PRSS12: variants seen among roughly 807,000 people sequenced by gnomAD.
The protein encoded by PRSS12 is serine protease 12, also known as neurotrypsin.
Under a neutral mutation model 104.4 loss-of-function variants are expected in PRSS12, and 85 were observed. The observed-to-expected ratio is 0.81, with a 90% CI of 0.68 to 0.98. PRSS12 has a LOEUF of 0.98. PRSS12 is among the 50% of genes least tolerant of loss of function. The pLI, the probability that PRSS12 is intolerant of heterozygous loss-of-function variation, is 0.00. For synonymous variants in PRSS12, 454 were observed against 425.2 expected (o/e 1.07, Z -0.83); for missense variants, 1,141 against 1,139.2 (o/e 1.00, Z -0.02).
At position 118,283,108 on chromosome 4, in the gene PRSS12, A is replaced by G. The variant is rs758837261; in HGVS notation, c.2043T>C (p.Tyr681=). 16 of 1,614,018 alleles carry G rather than the reference A, an allele frequency of 9.9e-6. No individual in the cohort carries two copies. The South Asian group carries it at 1.5e-4, about 16-fold the overall frequency. ...CAGCATAGCTCCTAGTGCTGTTGCCATACCTGAGAGGCAGAGAGTACTAAT... is the reference window on the plus strand; with the variant it reads ...CAGCATAGCTCCTAGTGCTGTTGCCGTACCTGAGAGGCAGAGAGTACTAAT... ...VLTAAHCFKR[Y]GNSTRSYAVR... is the part of the protein sequence containing the mutation. Residue 681 remains tyrosine (Y), a synonymous_variant, in exon 12 of 13, where the codon TAT becomes TAC. Transcript: ENST00000296498.
intron 7 of PRSS12, among the ~76,000 whole-genome samples, chr4:118,309,865 G>A (rs965224327): frequency 2.6e-5 from 4 of 152,136 alleles, no homozygotes; most frequent in Non-Finnish European, 5.9e-5. Flanking sequence ...TAGCAAGATG[G>A]ACACACTCTA....
chr4:118,337,602 A>C (rs1447793513), intron 2 of PRSS12, among the ~76,000 whole-genome samples: 1 of 152,126 alleles, frequency 6.6e-6, no homozygotes, highest in Non-Finnish European at 1.5e-5. Flanking sequence ...GCCATCTTCC[A>C]CAAGACCTCC....
chr4:118,337,509 C>T (rs559423809), intron 2 of PRSS12, among the ~76,000 whole-genome samples: 4 of 152,280 alleles, frequency 2.6e-5, no homozygotes, highest in African/African-American at 7.2e-5. Context: ...GTCGTAAAGA[C>T]AGTGCCTAGG....
intron 1 of PRSS12, among the ~76,000 whole-genome samples, chr4:118,342,510 A>C (rs1156692019): frequency 6.6e-6 from 1 of 152,166 alleles, no homozygotes; most frequent in Non-Finnish European, 1.5e-5. Flanking sequence ...TCTATTCTAC[A>C]TATTTCTATC....
In PRSS12 at chr4:118,338,310, T is replaced by C. The variant is rs1460466256; in HGVS notation, c.507A>G (p.Ser169=). The change falls in exon 2 of 13, where the codon TCA becomes TCG. Residue 169 remains serine, a synonymous_variant. Transcript: ENST00000296498. ...DWGYCDCRHG[S]VRLRGGKNEF... Reference sequence around the variant, plus strand: ...CATTTTTGCCGCCACGAAGTCGTACTGATCCTAAAGTGGAAAAGAATCCCA... The same window carrying C: ...CATTTTTGCCGCCACGAAGTCGTACCGATCCTAAAGTGGAAAAGAATCCCA... The C allele has an allele frequency of 6.2e-7, 1 of 1,613,970 alleles. No individual in the cohort carries two copies. The highest frequency in any genetic ancestry group is 8.5e-7 in the Non-Finnish European group (1 of 1,179,914).
intron 1 of PRSS12, among the ~76,000 whole-genome samples, chr4:118,341,340 T>G (rs992316051): frequency 6.6e-6 from 1 of 152,194 alleles, no homozygotes; most frequent in African/African-American, 2.4e-5. Flanking sequence ...TATTTTGTTA[T>G]TGCTGCATTT....
At chr4:118,344,342 T>C (rs1724297280) in intron 1 of PRSS12, among the ~76,000 whole-genome samples, 1 of 152,148 alleles carries the variant, frequency 6.6e-6, no homozygotes, top group African/African-American at 2.4e-5. Context: ...TGGGGGACTC[T>C]TGGTTGAATT....
intron 5 of PRSS12, among the ~76,000 whole-genome samples, chr4:118,317,462 T>C (rs915398952): frequency 1.1e-4 from 16 of 152,158 alleles, no homozygotes; most frequent in Admixed American, 6.5e-4. Flanking sequence ...TTTATTAATA[T>C]AATATTTTAC....
intron 4 of PRSS12, among the ~76,000 whole-genome samples, chr4:118,322,168 T>C (rs952053464): frequency 6.6e-6 from 1 of 152,074 alleles, no homozygotes; most frequent in Middle Eastern, 3.2e-3. Flanking sequence ...GCAATAGTAG[T>C]GTACAAGGCT....
At chr4:118,284,482 AGT>A (rs1450017491) in intron 11 of PRSS12, among the ~76,000 whole-genome samples, 2 of 152,194 alleles carry the variant, frequency 1.3e-5, no homozygotes, top group African/African-American at 4.8e-5. Context: ...ATCTGCAATG[AGT>A]GTATTCTCCA....
At chr4:118,308,074 TA>T (rs1743602475) in intron 8 of PRSS12, among the ~76,000 whole-genome samples, 1 of 152,198 alleles carries the variant, frequency 6.6e-6, no homozygotes, top group African/African-American at 2.4e-5. Context: ...GAACCAACAG[TA>T]ATTTCAATAA....
chr4:118,330,394 C>T (rs1435790631), intron 4 of PRSS12, among the ~76,000 whole-genome samples: 1 of 152,108 alleles, frequency 6.6e-6, no homozygotes, highest in South Asian at 2.1e-4. Flanking sequence ...GAAGAGTAAA[C>T]TAAATGACAC....
At position 118,321,814 on chromosome 4, in the gene PRSS12, A is replaced by G. The variant is rs866927898; in HGVS notation, c.972-3258T>C. On this transcript the variant is annotated intron_variant, in intron 4 of 12. Coordinates refer to ENST00000296498, the MANE Select transcript of PRSS12 (RefSeq NM_003619.4). ...CAATATCTTAACATTTTCTGGTTTTAATGTTGTTTCATTTATTTATTTATT... is the reference window on the plus strand; with the variant it reads ...CAATATCTTAACATTTTCTGGTTTTGATGTTGTTTCATTTATTTATTTATT... 7.2e-5 allele frequency among the ~76,000 whole-genome samples: 11 copies of G among 152,324 alleles called. No homozygotes were observed. In the Middle Eastern group the frequency reaches 0.01, roughly 141 times the overall value.
intron 8 of PRSS12, among the ~76,000 whole-genome samples, chr4:118,305,213 A>C (rs1411230744): frequency 1.3e-5 from 2 of 151,568 alleles, no homozygotes; most frequent in Non-Finnish European, 3.0e-5. Flanking sequence ...AATTATAAAA[A>C]TATTCAAGTA....
At position 118,308,481 on chromosome 4, in the gene PRSS12, C is replaced by T. The variant is rs1327847985; in HGVS notation, c.1586G>A (p.Trp529Ter). ...GATCACAGCTGCATCCTTATCAGTC[C>T]ATCCATCATCACAGATTGTTCCCCA... ...GQWGTICDDG[W>*]TDKDAAVICR... is the part of the protein sequence containing the mutation. Residue 529 changes from tryptophan to a stop codon, truncating the protein, a stop_gained, in exon 8 of 13, where the codon TGG (tryptophan) becomes TAG (stop). Coordinates refer to ENST00000296498, the MANE Select transcript of PRSS12 (RefSeq NM_003619.4). LOFTEE classifies it high-confidence loss of function. 9 of 1,613,900 alleles carry T rather than the reference C, an allele frequency of 5.6e-6. No homozygotes were observed. Among genetic ancestry groups the T allele is most frequent in the Admixed American group, 1.7e-5 (1 of 59,986 alleles).
At chr4:118,286,845 C>T in intron 11 of PRSS12, among the ~76,000 whole-genome samples, 1 of 152,222 alleles carries the variant, frequency 6.6e-6, no homozygotes, top group South Asian at 2.1e-4. Flanking sequence ...ACCAAAGACT[C>T]AAAAGTGTGG....
chr4:118,344,283 C>G (rs1724294645), intron 1 of PRSS12, among the ~76,000 whole-genome samples: 1 of 152,062 alleles, frequency 6.6e-6, no homozygotes, highest in African/African-American at 2.4e-5. Flanking sequence ...CATTCTCTAT[C>G]AATTATAAAA....
rs1578918063 is a variant in PRSS12, at chr4:118,313,344, C to A, written c.1346G>T (p.Trp449Leu). The change falls in exon 7 of 13, where the codon TGG becomes TTG. Residue 449 changes from tryptophan to leucine, a missense_variant. By Grantham distance (61) the Trp-to-Leu change is moderately conservative. Transcript: ENST00000296498. ...TCCTGAGCAGCTGACGTCATCCAACCATATGGGCCCTGTGCTTTCTTCAAA... is the reference window on the plus strand; with the variant it reads ...TCCTGAGCAGCTGACGTCATCCAACAATATGGGCCCTGTGCTTTCTTCAAA... ...NHFEESTGPI[W>L]LDDVSCSGKE... 1 of 1,614,152 alleles carries A rather than the reference C, an allele frequency of 6.2e-7. No homozygotes were observed. The highest frequency in any genetic ancestry group is 1.3e-5 in the African/African-American group (1 of 75,040).
intron 1 of PRSS12, among the ~76,000 whole-genome samples, chr4:118,344,473 G>C (rs1475309169): frequency 6.6e-6 from 1 of 152,026 alleles, no homozygotes; most frequent in African/African-American, 2.4e-5. Context: ...AATTAAACCT[G>C]CTATATCTTT....
Sources: allele counts gnomAD v4.1 joint callset (sites outside exome capture counted in the v4.1 genomes callset), GRCh38; gene constraint gnomAD v4.1.1; transcripts MANE v1.5; gene names NCBI Gene and HGNC (gene_info 2026-07-23, HGNC 2026-07-21).